The following CNTNAP2 variants were observed in gnomAD, a reference collection of about 807,000 sequenced individuals.
The protein encoded by CNTNAP2 is contactin-associated protein-like 2.
CNTNAP2 carries 98 observed loss-of-function variants against 155.2 expected under a neutral mutation model. The ratio of observed to expected loss-of-function variants is 0.63; its 90% CI spans 0.54 to 0.75. The LOEUF is 0.75. Ranked by LOEUF, CNTNAP2 falls within the 30% of genes least tolerant of loss-of-function variation. The pLI is 0.00. For missense variants in CNTNAP2, 1,727 were observed against 1,688.1 expected, an observed-to-expected ratio of 1.02 and a Z score of -0.40; for synonymous variants, 651 against 631.2, an observed-to-expected ratio of 1.03 and a Z score of -0.47.
intron 20 of CNTNAP2, among the ~76,000 whole-genome samples, chr7:148,253,034 A>G (rs1331870269): frequency 1.4e-5 from 2 of 138,010 alleles, no homozygotes; most frequent in Non-Finnish European, 3.1e-5. Context: ...AGATAGATAG[A>G]TAGATAGATA....
At chr7:147,452,420 G>A (rs554223963) in intron 10 of CNTNAP2, among the ~76,000 whole-genome samples, 36 of 152,256 alleles carry the variant, frequency 2.4e-4, no homozygotes, top group African/African-American at 7.0e-4. Flanking sequence ...GATGAGAAAT[G>A]ACCTTCATAT....
At chr7:147,779,934 T>C (rs1433922209) in intron 13 of CNTNAP2, among the ~76,000 whole-genome samples, 1 of 152,204 alleles carries the variant, frequency 6.6e-6, no homozygotes, top group Admixed American at 6.5e-5. Context: ...AATACATAGC[T>C]CACAGTAATG....
In CNTNAP2 at chr7:147,380,758, C is replaced by T. The variant is rs567737571; in HGVS notation, c.1499-14851C>T. Among the ~76,000 whole-genome samples, 24 of 152,114 alleles carry T rather than the reference C, an allele frequency of 1.6e-4. No homozygotes were observed. The South Asian group carries it at 5.0e-3, about 32-fold the overall frequency. The stretch of plus-strand genomic sequence containing the variant: ...TATATAGTCATATATAGAAGCATTC[C>T]AAAGCTAAATAAAACTGTGTTTGAT... On this transcript the variant is annotated intron_variant, in intron 9 of 23. Coordinates refer to ENST00000361727, the MANE Select transcript of CNTNAP2 (RefSeq NM_014141.6).
intron 5 of CNTNAP2, among the ~76,000 whole-genome samples, chr7:147,120,263 T>C (rs1039748048): frequency 6.6e-6 from 1 of 152,202 alleles, no homozygotes. Flanking sequence ...TGCCAGAAAG[T>C]GTATTAAATT....
chr7:147,973,160 T>TTA (rs1316701536), intron 14 of CNTNAP2, among the ~76,000 whole-genome samples: 3 of 120,856 alleles, frequency 2.5e-5, no homozygotes, highest in Admixed American at 9.1e-5. Context: ...TCTCTAAAAT[T>TTA]AAAAAAAAAA....
At chr7:147,047,536 G>GT (rs1799389691) in intron 4 of CNTNAP2, among the ~76,000 whole-genome samples, 4 of 151,826 alleles carry the variant, frequency 2.6e-5, no homozygotes, top group Admixed American at 1.3e-4. Context: ...GTTTTAAGTA[G>GT]TTTTTGCAGG....
At chr7:146,952,608 A>G (rs1321718109) in intron 3 of CNTNAP2, among the ~76,000 whole-genome samples, 2 of 152,160 alleles carry the variant, frequency 1.3e-5, no homozygotes, top group East Asian at 3.9e-4. Context: ...ATGTGCAAAA[A>G]TCACAAGCAT....
intron 15 of CNTNAP2, among the ~76,000 whole-genome samples, chr7:147,982,183 T>C (rs1050511876): frequency 6.6e-6 from 1 of 152,230 alleles, no homozygotes; most frequent in African/African-American, 2.4e-5. Context: ...AGGAATATAG[T>C]ATTTGCTAGA....
intron 11 of CNTNAP2, among the ~76,000 whole-genome samples, chr7:147,531,822 T>TTTTC (rs751238638): frequency 1.4e-5 from 2 of 143,404 alleles, no homozygotes; most frequent in Non-Finnish European, 1.5e-5. Flanking sequence ...TTTTTTTTTT[T>TTTTC]CCGAGACAAA....
At chr7:147,314,360 A>G (rs573364868) in intron 9 of CNTNAP2, among the ~76,000 whole-genome samples, 2 of 152,240 alleles carry the variant, frequency 1.3e-5, no homozygotes, top group South Asian at 2.1e-4. Flanking sequence ...TTTCCAATCA[A>G]AAAAATCCCC....
intron 15 of CNTNAP2, among the ~76,000 whole-genome samples, chr7:148,000,749 T>C (rs1041299277): frequency 1.3e-5 from 2 of 152,154 alleles, no homozygotes; most frequent in Non-Finnish European, 2.9e-5. Flanking sequence ...CTTACAAACA[T>C]GAGGAAAAGA....
intron 1 of CNTNAP2, among the ~76,000 whole-genome samples, chr7:146,344,483 T>C (rs1794789261): frequency 1.3e-5 from 2 of 151,698 alleles, no homozygotes; most frequent in African/African-American, 2.4e-5. Flanking sequence ...TTTTTTTTTT[T>C]CTTTTTCTTT....
At chr7:146,534,779 G>C (rs1797821620) in intron 1 of CNTNAP2, among the ~76,000 whole-genome samples, 1 of 151,644 alleles carries the variant, frequency 6.6e-6, no homozygotes, top group Non-Finnish European at 1.5e-5. Flanking sequence ...CCTCCTGTCT[G>C]TCTATTGCAT....
intron 1 of CNTNAP2, among the ~76,000 whole-genome samples, chr7:146,332,788 A>T (rs1489088208): frequency 6.6e-6 from 1 of 152,042 alleles, no homozygotes; most frequent in East Asian, 1.9e-4. Flanking sequence ...TTTGGATCCT[A>T]GATTCTTGTC....
intron 15 of CNTNAP2, chr7:147,978,304 C>T (rs1174005311): frequency 8.0e-6 from 3 of 374,224 alleles, no homozygotes; most frequent in Non-Finnish European, 1.0e-5. Flanking sequence ...GCTGTGATTC[C>T]ACGGAGTGCT....
chr7:147,517,471 G>A (rs1329637634), intron 11 of CNTNAP2, among the ~76,000 whole-genome samples: 1 of 152,194 alleles, frequency 6.6e-6, no homozygotes, highest in Non-Finnish European at 1.5e-5. Context: ...TTGAGCAGCT[G>A]TGGGAGAGAA....
chr7:147,182,379 A>T (rs534499526), intron 8 of CNTNAP2, among the ~76,000 whole-genome samples: 1 of 152,036 alleles, frequency 6.6e-6, no homozygotes, highest in South Asian at 2.1e-4. Context: ...AAATTTCATT[A>T]TAGATGCTGG....
chr7:146,487,370 C>T (rs1009243547), intron 1 of CNTNAP2, among the ~76,000 whole-genome samples: 3 of 152,128 alleles, frequency 2.0e-5, no homozygotes, highest in Admixed American at 2.0e-4. Context: ...GAAATAAAAA[C>T]GCTAAGAAAT....
chr7:146,774,167 A>G lies in CNTNAP2; in HGVS notation c.98-104A>G, dbSNP rs148853070. The G allele has an allele frequency of 6.6e-3, 5,388 of 810,634 alleles. 27 individuals are homozygous for G. Among genetic ancestry groups the G allele is most frequent in the Non-Finnish European group, 9.2e-3 (4,468 of 483,276 alleles). 50.2% of individuals were successfully genotyped at this position (810,634 alleles called of 1,614,324 possible). A position where few individuals can be genotyped will look rare whatever the true frequency, so the allele number is the denominator to read the frequency against. ...TTGCTAAATATTGTTTCAAAGATAC[A>G]TAAAAGACATATCAGATTCAATGAT... On this transcript the variant is annotated intron_variant, in intron 1 of 23. Transcript: ENST00000361727.
Sources: allele counts gnomAD v4.1 joint callset (sites outside exome capture counted in the v4.1 genomes callset), GRCh38; gene constraint gnomAD v4.1.1; transcripts MANE v1.5; gene names NCBI Gene and HGNC (gene_info 2026-07-23, HGNC 2026-07-21).